The following GPBP1L1 variants were observed in gnomAD, a reference collection of about 807,000 sequenced individuals.
GPBP1L1 encodes the protein vasculin-like protein 1.
GPBP1L1 carries 23 observed loss-of-function variants against 52.5 expected under a neutral mutation model. The observed-to-expected ratio is 0.44, with a 90% CI of 0.32 to 0.62. GPBP1L1 has a LOEUF of 0.62. Ranked by LOEUF, GPBP1L1 falls within the 20% of genes least tolerant of loss-of-function variation. The pLI, the probability that GPBP1L1 is intolerant of heterozygous loss-of-function variation, is 0.06. For synonymous variants in GPBP1L1, 243 were observed against 203.1 expected, an observed-to-expected ratio of 1.20 and a Z score of -1.67; for missense variants, 596 against 579.3, an observed-to-expected ratio of 1.03 and a Z score of -0.30.
intron 2 of GPBP1L1, among the ~76,000 whole-genome samples, chr1:45,668,499 C>A (rs906533586): frequency 2.4e-4 from 37 of 152,058 alleles, no homozygotes; most frequent in African/African-American, 8.5e-4. Context: ...ACTAAAAATA[C>A]AAGAATTAGC....
chr1:45,682,037 A>C (rs972530717), intron 2 of GPBP1L1, among the ~76,000 whole-genome samples: 1 of 152,228 alleles, frequency 6.6e-6, no homozygotes, highest in African/African-American at 2.4e-5. Flanking sequence ...AAGATTACAT[A>C]ATTGACTCTA....
At chr1:45,664,874 T>A (rs1262846372) in intron 2 of GPBP1L1, among the ~76,000 whole-genome samples, 1 of 152,062 alleles carries the variant, frequency 6.6e-6, no homozygotes, top group Non-Finnish European at 1.5e-5. Flanking sequence ...AGATAGAGTT[T>A]CGCCATGTTA....
intron 6 of GPBP1L1, among the ~76,000 whole-genome samples, chr1:45,648,727 T>C (rs772370793): frequency 2.0e-5 from 3 of 152,206 alleles, no homozygotes; most frequent in Non-Finnish European, 2.9e-5. Flanking sequence ...TTTTTAACTT[T>C]ACTTTAAAAT....
intron 12 of GPBP1L1, among the ~76,000 whole-genome samples, chr1:45,628,925 G>A (rs1331787141): frequency 1.3e-5 from 2 of 152,204 alleles, no homozygotes; most frequent in African/African-American, 4.8e-5. Flanking sequence ...GCCTCCCAAA[G>A]TGTTGGGATT....
chr1:45,665,998 G>C (rs117300100), intron 2 of GPBP1L1, among the ~76,000 whole-genome samples: 1 of 151,716 alleles, frequency 6.6e-6, no homozygotes, highest in Non-Finnish European at 1.5e-5. Context: ...CCAACAATAC[G>C]ACAGGATTTA....
chr1:45,679,891 CAAAAAAAAAAAA>C (rs61208985), intron 2 of GPBP1L1, among the ~76,000 whole-genome samples: 1 of 88,208 alleles, frequency 1.1e-5, no homozygotes, highest in Admixed American at 1.3e-4. Context: ...CTTATCTATA[CAAAAAAAAAAAA>C]AAAAAAAAAT....
At chr1:45,639,793 G>C (rs1020330735) in intron 8 of GPBP1L1, among the ~76,000 whole-genome samples, 18 of 152,074 alleles carry the variant, frequency 1.2e-4, no homozygotes, top group Non-Finnish European at 2.4e-4. Flanking sequence ...AGGAAGAATG[G>C]TGTGAACCCA....
At position 45,654,749 on chromosome 1, in the gene GPBP1L1, C is replaced by T. The variant is rs765639988; in HGVS notation, c.271G>A (p.Gly91Arg). 1.9e-6 allele frequency: 3 copies of T among 1,614,144 alleles called. No individual in the cohort carries two copies. The highest frequency in any genetic ancestry group is 1.7e-6 in the Non-Finnish European group (2 of 1,180,024). Reference protein sequence around the residue: ...VSKGAYAGITGNPSGWHSSSR... With the variant: ...VSKGAYAGITRNPSGWHSSSR... Reference sequence around the variant, plus strand: ...GAGCTATGCCAACCAGATGGGTTCCCTGTGATTCCAGCATATGCTCCCTTA... The same window carrying T: ...GAGCTATGCCAACCAGATGGGTTCCTTGTGATTCCAGCATATGCTCCCTTA... Residue 91 changes from glycine (G) to arginine (R), a missense_variant, in exon 6 of 13, where the codon GGG becomes AGG. Physicochemically the swap from Gly to Arg is moderately radical, Grantham distance 125 (BLOSUM62 -2). Transcript: ENST00000355105.
At chr1:45,667,270 A>G (rs1488575113) in intron 2 of GPBP1L1, among the ~76,000 whole-genome samples, 3 of 152,020 alleles carry the variant, frequency 2.0e-5, no homozygotes, top group African/African-American at 7.3e-5. Context: ...GCCCTACATC[A>G]CCCATTCTTT....
intron 2 of GPBP1L1, among the ~76,000 whole-genome samples, chr1:45,683,397 G>T (rs1290277338): frequency 1.2e-4 from 18 of 150,386 alleles, no homozygotes; most frequent in Admixed American, 1.2e-3. Context: ...AGTAGAGACG[G>T]GGTTTCACAG....
intron 4 of GPBP1L1, among the ~76,000 whole-genome samples, chr1:45,657,576 TG>T (rs1315998443): frequency 6.6e-6 from 1 of 152,050 alleles, no homozygotes; most frequent in African/African-American, 2.4e-5. Flanking sequence ...AAGTTTAGCC[TG>T]GTACAGTGGC....
intron 2 of GPBP1L1, among the ~76,000 whole-genome samples, chr1:45,682,662 G>T (rs2148524318): frequency 1.3e-5 from 2 of 152,282 alleles, no homozygotes; most frequent in Middle Eastern, 6.8e-3. Context: ...GCTGAAAAAT[G>T]ATTCAGCTAA....
chr1:45,655,364 A>T, intron 4 of GPBP1L1, 45 bp from the exon 5 acceptor site: 1 of 1,597,010 alleles, frequency 6.3e-7, no homozygotes, highest in Non-Finnish European at 8.6e-7. Flanking sequence ...AATAGCTATT[A>T]GTCCTTTTCA....
intron 6 of GPBP1L1, among the ~76,000 whole-genome samples, chr1:45,644,557 ATTTTT>A (rs5773888): frequency 6.7e-6 from 1 of 149,808 alleles, no homozygotes; most frequent in Non-Finnish European, 1.5e-5. Context: ...TGATCACTGC[ATTTTT>A]TTTTTTTACT....
rs1644480636 is a variant in GPBP1L1, at chr1:45,628,084, A to T, written c.*172T>A. The stretch of plus-strand genomic sequence containing the variant: ...CTCTCTATAAAGCAGATAACAGGGA[A>T]GAACAATAACAAAAGCAAAACAAGC... On this transcript the variant is annotated 3_prime_UTR_variant, in exon 13 of 13. Transcript: ENST00000355105. 1 of 665,414 alleles carries T rather than the reference A, an allele frequency of 1.5e-6. No individual in the cohort carries two copies. 41.2% of individuals were successfully genotyped at this position (665,414 alleles called of 1,614,324 possible). A position where few individuals can be genotyped will look rare whatever the true frequency, so the allele number is the denominator to read the frequency against.
chr1:45,655,008 GAGAA>G (rs1455149552), intron 5 of GPBP1L1, among the ~76,000 whole-genome samples, 178 bp downstream of exon 5: 1 of 152,236 alleles, frequency 6.6e-6, no homozygotes, highest in Non-Finnish European at 1.5e-5. Flanking sequence ...GATGATTCAT[GAGAA>G]TCATAATCAT....
intron 6 of GPBP1L1, among the ~76,000 whole-genome samples, chr1:45,653,951 G>A (rs1399208903): frequency 4.0e-5 from 6 of 151,668 alleles, no homozygotes; most frequent in South Asian, 2.1e-4. Flanking sequence ...CACCCGCCTC[G>A]GCTTCCCAAA....
intron 2 of GPBP1L1, among the ~76,000 whole-genome samples, chr1:45,681,221 T>C (rs1329524796): frequency 2.0e-5 from 3 of 152,190 alleles, no homozygotes; most frequent in African/African-American, 7.2e-5. Context: ...TGAGAACCAC[T>C]GAACAAACCA....
intron 2 of GPBP1L1, among the ~76,000 whole-genome samples, chr1:45,677,603 A>G (rs1645162789): frequency 7.2e-6 from 1 of 138,476 alleles, no homozygotes; most frequent in South Asian, 2.5e-4. Flanking sequence ...TGTAGTGGCT[A>G]GGAAAAGAAA....
Sources: gnomAD v4.1 joint callset for allele counts (sites outside exome capture counted in the v4.1 genomes callset) on GRCh38, gnomAD v4.1.1 for gene constraint, MANE v1.5 for transcripts, NCBI Gene and HGNC (gene_info 2026-07-23, HGNC 2026-07-21) for gene names.